Variants in PPM1H observed in about 807,000 individuals in gnomAD.
PPM1H encodes the protein protein phosphatase 1H.
Under a neutral mutation model 54.9 loss-of-function variants are expected in PPM1H, and 27 were observed. The observed-to-expected ratio is 0.49, with a 90% CI of 0.36 to 0.68. The LOEUF (loss-of-function observed/expected upper bound fraction) is 0.68. PPM1H is among the 30% of genes least tolerant of loss of function. PPM1H has a pLI of 0.00. For missense variants in PPM1H, 596 were observed against 667.8 expected (o/e 0.89, Z 1.19); for synonymous variants, 305 against 270.8 (o/e 1.13, Z -1.24).
At chr12:62,878,503 G>T (rs1407351602) in intron 1 of PPM1H, among the ~76,000 whole-genome samples, 1 of 151,850 alleles carries the variant, frequency 6.6e-6, no homozygotes, top group South Asian at 2.1e-4. Context: ...AACACTTGAT[G>T]GTCTGGTTTT....
intron 6 of PPM1H, among the ~76,000 whole-genome samples, chr12:62,716,357 G>C (rs183963463): frequency 1.1e-4 from 16 of 152,290 alleles, no homozygotes; most frequent in African/African-American, 3.8e-4. Flanking sequence ...TCACAGGACT[G>C]TTTTAAGCGT....
rs1490166507 is a variant in PPM1H at position 62,720,282 on chromosome 12, A to G, written c.962T>C (p.Met321Thr). Reference protein sequence around the residue: ...ERQRLQYLAFMQPHLLGNEFT... With the variant: ...ERQRLQYLAFTQPHLLGNEFT... ...CTCATTTCCCAGCAAGTGAGGCTGC[A>G]TGAATGCCTAATAGCAAAAAGAAAA... Residue 321 changes from methionine (M) to threonine (T), a missense_variant, in exon 6 of 10, where the codon ATG becomes ACG. Physicochemically the swap from Met to Thr is moderately conservative, Grantham distance 81 (BLOSUM62 -1). Around this residue, in one of 3 missense-constraint regions of PPM1H, gnomAD observed 208 missense variants for 259.5 expected, o/e 0.80. Transcript: ENST00000228705. The G allele has an allele frequency of 6.2e-7, 1 of 1,606,628 alleles. No homozygotes were observed. Among genetic ancestry groups the G allele is most frequent in the African/African-American group, 1.3e-5 (1 of 74,798 alleles).
chr12:62,757,399 A>G (rs1427014415), intron 4 of PPM1H, among the ~76,000 whole-genome samples: 1 of 152,242 alleles, frequency 6.6e-6, no homozygotes, highest in East Asian at 1.9e-4. Flanking sequence ...TAAGGCTGAA[A>G]AAATCTTCAG....
At chr12:62,855,209 C>T (rs962981752) in intron 1 of PPM1H, among the ~76,000 whole-genome samples, 3 of 152,144 alleles carry the variant, frequency 2.0e-5, no homozygotes, top group African/African-American at 4.8e-5. Flanking sequence ...CCCACCCTCT[C>T]GCTTCCTGGC....
At chr12:62,773,756 T>C (rs1300413521) in intron 4 of PPM1H, among the ~76,000 whole-genome samples, 1 of 152,112 alleles carries the variant, frequency 6.6e-6, no homozygotes, top group Non-Finnish European at 1.5e-5. Flanking sequence ...GTCAGTGCCG[T>C]ACAGTTCTTC....
chr12:62,667,227 C>G lies in PPM1H; in HGVS notation c.1348G>C (p.Glu450Gln), dbSNP rs770382219. 7 of 1,600,416 alleles carry G rather than the reference C, an allele frequency of 4.4e-6. No homozygotes were observed. In the South Asian group the frequency reaches 7.7e-5, roughly 18 times the overall value. ...WDVLSNEEVA[E>Q]AITQFLPNCD... is the part of the protein sequence containing the mutation. Reference sequence around the variant, plus strand: ...TTAGGAAGAAACTGAGTGATTGCTTCTGCTACTTCTTCATTTGATAAAACG... The same window carrying G: ...TTAGGAAGAAACTGAGTGATTGCTTGTGCTACTTCTTCATTTGATAAAACG... Residue 450 changes from glutamate (E) to glutamine (Q), a missense_variant, in exon 9 of 10, where the codon GAA (glutamate) becomes CAA (glutamine). Transcript: ENST00000228705.
intron 5 of PPM1H, among the ~76,000 whole-genome samples, chr12:62,730,477 A>T (rs932143277): frequency 6.6e-6 from 1 of 152,228 alleles, no homozygotes; most frequent in African/African-American, 2.4e-5. Context: ...CTCATGTGTT[A>T]AATAAGATAA....
intron 9 of PPM1H, among the ~76,000 whole-genome samples, chr12:62,652,399 G>GCGTA (rs1421024270): frequency 8.5e-6 from 1 of 117,976 alleles, no homozygotes; most frequent in African/African-American, 3.0e-5. Flanking sequence ...ATTATTTTAA[G>GCGTA]TGTATTTTAT....
intron 8 of PPM1H, among the ~76,000 whole-genome samples, chr12:62,673,395 A>G (rs922476429): frequency 6.6e-6 from 1 of 152,154 alleles, no homozygotes; most frequent in Non-Finnish European, 1.5e-5. Context: ...TACTGATGAT[A>G]TTTTGGTGGC....
chr12:62,691,810 C>CAAAAAA (rs34984420), intron 7 of PPM1H, among the ~76,000 whole-genome samples: 1 of 127,830 alleles, frequency 7.8e-6, no homozygotes, highest in African/African-American at 2.9e-5. Flanking sequence ...TGCCATGTCT[C>CAAAAAA]AAAAAAAAAA....
chr12:62,903,961 G>T (rs1351053237), intron 1 of PPM1H, among the ~76,000 whole-genome samples: 1 of 152,168 alleles, frequency 6.6e-6, no homozygotes, highest in East Asian at 1.9e-4. Flanking sequence ...TTTTTTTAGA[G>T]TCACCCTGTA....
intron 1 of PPM1H, among the ~76,000 whole-genome samples, chr12:62,858,692 C>T (rs1204262515): frequency 1.3e-5 from 2 of 152,170 alleles, no homozygotes; most frequent in Admixed American, 6.5e-5. Flanking sequence ...GACAGGAAAA[C>T]TGAAATGCTG....
intron 6 of PPM1H, among the ~76,000 whole-genome samples, chr12:62,708,251 C>T (rs2076186268): frequency 1.3e-5 from 2 of 152,170 alleles, no homozygotes; most frequent in South Asian, 2.1e-4. Flanking sequence ...GGTAAGAGGA[C>T]GGTGGTGGTA....
At chr12:62,791,950 C>G (rs2076703660) in intron 3 of PPM1H, among the ~76,000 whole-genome samples, 1 of 152,136 alleles carries the variant, frequency 6.6e-6, no homozygotes, top group African/African-American at 2.4e-5. Context: ...TGAACACCTA[C>G]TGCTTGTATA....
chr12:62,689,918 C>T (rs2136637648), intron 7 of PPM1H, 112 bp from the exon 8 acceptor site: 1 of 678,708 alleles, frequency 1.5e-6, no homozygotes, highest in Non-Finnish European at 2.5e-6. Context: ...TCCTCCTGCC[C>T]AGATATGTTT....
At chr12:62,789,933 T>C (rs1171391565) in intron 3 of PPM1H, among the ~76,000 whole-genome samples, 1 of 152,266 alleles carries the variant, frequency 6.6e-6, no homozygotes, top group Non-Finnish European at 1.5e-5. Context: ...ATTGAATGCC[T>C]GGCTAAAATA....
Position 62,825,279 on chromosome 12 carries a change from C to G in PPM1H, c.411+6835G>C, listed in dbSNP as rs142010409. ...GTGGAGAAATAGGAATGCTTTTACA[C>G]TGTTGGGAGTGTAAACTAGTTCAAC... On this transcript the variant is annotated intron_variant, in intron 2 of 9. Coordinates refer to ENST00000228705, the MANE Select transcript of PPM1H (RefSeq NM_020700.2). 6.9e-3 allele frequency among the ~76,000 whole-genome samples: 1,056 copies of G among 152,270 alleles called. 15 individuals carry two copies. The highest frequency in any genetic ancestry group is 0.024 in the African/African-American group (1,000 of 41,560).
At chr12:62,730,134 C>T (rs978818921) in intron 5 of PPM1H, among the ~76,000 whole-genome samples, 2 of 152,074 alleles carry the variant, frequency 1.3e-5, no homozygotes, top group Non-Finnish European at 2.9e-5. Context: ...TATAAAACGG[C>T]CCCACCCCTA....
intron 1 of PPM1H, among the ~76,000 whole-genome samples, chr12:62,921,010 C>T (rs1008998876): frequency 2.0e-5 from 3 of 151,986 alleles, no homozygotes; most frequent in African/African-American, 7.3e-5. Context: ...CTGCAACCTC[C>T]ACTTCCCGGG....
Sources: gnomAD v4.1 joint callset for allele counts (sites outside exome capture counted in the v4.1 genomes callset) on GRCh38, gnomAD v4.1.1 for gene constraint, gnomAD v4.1.1 regional missense constraint, MANE v1.5 for transcripts, NCBI Gene and HGNC (gene_info 2026-07-23, HGNC 2026-07-21) for gene names.